The following SAMD3 variants were observed in gnomAD, a reference collection of about 807,000 sequenced individuals.
The protein encoded by SAMD3 is sterile alpha motif domain containing 3.
SAMD3 carries 63 observed loss-of-function variants against 58.5 expected under a neutral mutation model. The ratio of observed to expected loss-of-function variants is 1.08; its 90% CI spans 0.88 to 1.33. The LOEUF is 1.33. SAMD3 is among the 40% of genes most tolerant of loss of function. The pLI, the probability that SAMD3 is intolerant of heterozygous loss-of-function variation, is 0.00. For synonymous variants in SAMD3, 220 were observed against 210.3 expected, an observed-to-expected ratio of 1.05 and a Z score of -0.40; for missense variants, 604 against 608.4, an observed-to-expected ratio of 0.99 and a Z score of 0.08.
chr6:130,171,180 G>A (rs530779249), intron 8 of SAMD3, among the ~76,000 whole-genome samples: 7 of 152,276 alleles, frequency 4.6e-5, no homozygotes, highest in African/African-American at 1.7e-4. Flanking sequence ...GGCCTTTTCT[G>A]CATCTATTGA....
intron 5 of SAMD3, among the ~76,000 whole-genome samples, chr6:130,198,216 C>T (rs147480249): frequency 1.2e-3 from 180 of 152,168 alleles, no homozygotes; most frequent in Middle Eastern, 3.4e-3. Flanking sequence ...CACACGGACG[C>T]GCATGAAAAC....
intron 8 of SAMD3, among the ~76,000 whole-genome samples, chr6:130,163,739 AG>A (rs1404474841): frequency 6.6e-6 from 1 of 152,226 alleles, no homozygotes; most frequent in Non-Finnish European, 1.5e-5. Flanking sequence ...ATTATGTGTC[AG>A]GCCTAGTAAA....
chr6:130,144,556 C>T lies in SAMD3; in HGVS notation c.1527G>A (p.Lys509=), dbSNP rs752533783. Residue 509 remains lysine (K), a synonymous_variant, in exon 12 of 12, where the codon AAG becomes AAA. Transcript: ENST00000439090. ...GGTGCTGAAATCCTACTTCGTTTTC[C>T]TTTTCTTTCAAAGAAGGAAAATAAG... ...HSPYFPSLKE[K]ENEVGFQHPL... is the part of the protein sequence containing the mutation. The T allele has an allele frequency of 2.5e-6, 4 of 1,613,692 alleles. No individual in the cohort carries two copies. In the East Asian group the frequency reaches 8.9e-5, roughly 36 times the overall value.
chr6:130,168,014 G>A (rs1389886908), intron 8 of SAMD3, among the ~76,000 whole-genome samples: 1 of 152,184 alleles, frequency 6.6e-6, no homozygotes, highest in Non-Finnish European at 1.5e-5. Flanking sequence ...CCTAAGCAGA[G>A]CAAAAATGGC....
intron 8 of SAMD3, among the ~76,000 whole-genome samples, chr6:130,172,430 G>A (rs1339569128): frequency 6.6e-6 from 1 of 152,160 alleles, no homozygotes; most frequent in Non-Finnish European, 1.5e-5. Flanking sequence ...GCATTTGCTT[G>A]TCTGTAGAGG....
chr6:130,320,873 T>C (rs1356123800), intron 1 of SAMD3, among the ~76,000 whole-genome samples: 1 of 152,248 alleles, frequency 6.6e-6, no homozygotes, highest in Non-Finnish European at 1.5e-5. Context: ...TCTCCTTTGC[T>C]TCCTGGGCTC....
chr6:130,188,570 G>A (rs143008762), intron 5 of SAMD3, among the ~76,000 whole-genome samples: 68 of 152,254 alleles, frequency 4.5e-4, no homozygotes, highest in Middle Eastern at 3.4e-3. Flanking sequence ...CTCCAGGCAT[G>A]TCTTTGAAAT....
intron 5 of SAMD3, among the ~76,000 whole-genome samples, chr6:130,197,745 C>A (rs902850728): frequency 3.3e-5 from 5 of 152,078 alleles, no homozygotes; most frequent in Non-Finnish European, 7.4e-5. Context: ...CCATACCATC[C>A]CCCAAAATTT....
rs1774001048 is a variant in SAMD3 at position 130,258,485 on chromosome 6, G to A, written c.-187-35672C>T. Among the ~76,000 whole-genome samples, 10 of 152,236 alleles carry A rather than the reference G, an allele frequency of 6.6e-5. 2 individuals carry two copies. The South Asian group carries it at 2.1e-3, about 32-fold the overall frequency. ...AGTCTTATTTTGGGTTTATCAACTA[G>A]TTAAAATTAACATTATTGAGGTAAA... On this transcript the variant is annotated intron_variant, in intron 2 of 13. Transcript: ENST00000368134.
intron 5 of SAMD3, among the ~76,000 whole-genome samples, chr6:130,196,060 C>T (rs904645790): frequency 8.5e-5 from 13 of 152,128 alleles, no homozygotes; most frequent in South Asian, 2.1e-4. Flanking sequence ...TTACACACAG[C>T]TGAAGTGCAG....
At chr6:130,211,624 C>T (rs1795574881) in intron 4 of SAMD3, among the ~76,000 whole-genome samples, 2 of 152,132 alleles carry the variant, frequency 1.3e-5, no homozygotes, top group South Asian at 4.2e-4. Context: ...GACCTGGAAG[C>T]CCCAGCTTTG....
At chr6:130,216,123 A>T (rs561039128) in intron 2 of SAMD3, among the ~76,000 whole-genome samples, 4 of 151,752 alleles carry the variant, frequency 2.6e-5, no homozygotes, top group Non-Finnish European at 5.9e-5. Context: ...TTCTTTAACT[A>T]TTTCAGTTAT....
chr6:130,331,853 G>T (rs982508975), intron 1 of SAMD3, among the ~76,000 whole-genome samples: 1 of 152,192 alleles, frequency 6.6e-6, no homozygotes, highest in Non-Finnish European at 1.5e-5. Context: ...ACATAGCATG[G>T]TGAGGTATGT....
At chr6:130,258,716 C>G (rs572925771) in intron 2 of SAMD3, among the ~76,000 whole-genome samples, 5 of 152,186 alleles carry the variant, frequency 3.3e-5, no homozygotes, top group African/African-American at 1.2e-4. Context: ...TGTAGATTAG[C>G]TTTCATTTTT....
chr6:130,339,159 G>A lies in SAMD3; in HGVS notation c.-304+25961C>T, dbSNP rs900428453. On this transcript the variant is annotated intron_variant, in intron 1 of 13. Transcript: ENST00000368134. ...CCTCCCAGGTTCATGCCATTCTCCT[G>A]CCTCAGCCTCCCAAGTAGCTGGGAC... is the stretch of plus-strand genomic sequence containing the variant. Among the ~76,000 whole-genome samples the A allele has an allele frequency of 2.6e-5, 4 of 152,218 alleles. No individual in the cohort carries two copies. In the South Asian group the frequency reaches 8.3e-4, roughly 32 times the overall value.
chr6:130,276,928 C>T (rs1774796647), intron 2 of SAMD3, among the ~76,000 whole-genome samples: 1 of 151,990 alleles, frequency 6.6e-6, no homozygotes, highest in Non-Finnish European at 1.5e-5. Context: ...GGGTGGGGGC[C>T]ACAGGACTGG....
At chr6:130,349,407 A>G (rs1363016990) in intron 1 of SAMD3, among the ~76,000 whole-genome samples, 6 of 152,228 alleles carry the variant, frequency 3.9e-5, no homozygotes, top group African/African-American at 1.2e-4. Flanking sequence ...ATCACCACCA[A>G]TCCACAGAAA....
At position 130,184,640 on chromosome 6, in the gene SAMD3, C is replaced by T; in HGVS notation, c.384-17G>A. ...ACATTTCTTCTGTGAAATAAAAACA[C>T]ACAAAGAATGAAATTCTATTCCAAA... On this transcript the variant is annotated splice_polypyrimidine_tract_variant and intron_variant, in intron 5 of 11. Coordinates refer to ENST00000439090, the MANE Select transcript of SAMD3 (RefSeq NM_001017373.4). 6.3e-7 allele frequency: 1 copy of T among 1,588,266 alleles called. No homozygotes were observed. Among genetic ancestry groups the T allele is most frequent in the East Asian group, 2.2e-5 (1 of 44,536 alleles).
chr6:130,149,922 A>G lies in SAMD3; in HGVS notation c.1024-3741T>C, dbSNP rs561039869. The stretch of plus-strand genomic sequence containing the variant: ...CACAACCCCAGATTATGTCCTACAA[A>G]TTAATCATCTTAATCCTTTTTCTTT... On this transcript the variant is annotated intron_variant, in intron 9 of 11. Coordinates refer to ENST00000439090, the MANE Select transcript of SAMD3 (RefSeq NM_001017373.4). Among the ~76,000 whole-genome samples the G allele has an allele frequency of 6.6e-5, 10 of 152,340 alleles. 1 individual carries two copies. Among genetic ancestry groups the G allele is most frequent in the African/African-American group, 2.2e-4 (9 of 41,574 alleles).
Sources: gnomAD v4.1 joint callset for allele counts (sites outside exome capture counted in the v4.1 genomes callset) on GRCh38, gnomAD v4.1.1 for gene constraint, MANE v1.5 for transcripts, NCBI Gene and HGNC (gene_info 2026-07-23, HGNC 2026-07-21) for gene names.